SPECC1L: variants seen among roughly 807,000 people sequenced by gnomAD.
The protein encoded by SPECC1L is sperm antigen with calponin homology and coiled-coil domains 1 like.
A neutral mutation model predicts 116.8 loss-of-function variants in SPECC1L; 40 were observed. The observed-to-expected ratio is 0.34, with a 90% confidence interval of 0.27 to 0.45. The LOEUF is 0.45. SPECC1L is among the 20% of genes least tolerant of loss of function. The pLI is 1.00. For synonymous variants in SPECC1L, 504 were observed against 500.6 expected (o/e 1.01, Z -0.09); for missense variants, 1,110 against 1,373.6 (o/e 0.81, Z 3.03).
At chr22:24,411,492 G>A (rs2042696964) in intron 14 of SPECC1L, 96 bp from the exon 15 acceptor site, 1 of 1,126,870 alleles carries the variant, frequency 8.9e-7, no homozygotes, top group Non-Finnish European at 1.3e-6. Context: ...GTGTTTTGGA[G>A]GCCATGCAGC....
chr22:24,388,082 T>A (rs913758487), intron 14 of SPECC1L, among the ~76,000 whole-genome samples: 2 of 148,946 alleles, frequency 1.3e-5, no homozygotes, highest in African/African-American at 4.9e-5. Flanking sequence ...ATTCTTTTTT[T>A]ATTATTATTA....
chr22:24,324,385 G>T lies in SPECC1L; in HGVS notation c.2104G>T (p.Ala702Ser). ...ELEDEVEQHR[A>S]VKLHDNLIIS... ...TGAAGATGAAGTAGAACAACATCGT[G>T]CTGTGAAACTTCATGACAACCTCAT... Residue 702 changes from alanine to serine, a missense_variant, in exon 6 of 17, where the codon GCT becomes TCT. This residue lies in a region of SPECC1L where 575 missense variants were observed against 682.4 expected (regional missense o/e 0.84). Transcript: ENST00000314328. 6.2e-7 allele frequency: 1 copy of T among 1,614,150 alleles called. No homozygotes were observed. The highest frequency in any genetic ancestry group is 2.2e-5 in the East Asian group (1 of 44,874).
At chr22:24,412,890 T>C (rs1272711902) in intron 16 of SPECC1L, among the ~76,000 whole-genome samples, 183 bp downstream of exon 16, 1 of 148,356 alleles carries the variant, frequency 6.7e-6, no homozygotes, top group East Asian at 2.0e-4. Context: ...TGGGATCTTG[T>C]GTCCTGGCCC....
chr22:24,325,268 T>C (rs1601556455), intron 6 of SPECC1L, among the ~76,000 whole-genome samples: 1 of 152,194 alleles, frequency 6.6e-6, no homozygotes, highest in East Asian at 1.9e-4. Context: ...AAACTGCTGT[T>C]AGAGGTTCGA....
At chr22:24,287,215 A>G (rs1186784717) in intron 2 of SPECC1L, among the ~76,000 whole-genome samples, 4 of 152,202 alleles carry the variant, frequency 2.6e-5, no homozygotes, top group South Asian at 4.1e-4. Flanking sequence ...GTGTGTGACT[A>G]TGTGTGCACG....
chr22:24,340,829 T>G (rs2041163091), intron 10 of SPECC1L, among the ~76,000 whole-genome samples: 1 of 152,104 alleles, frequency 6.6e-6, no homozygotes, highest in South Asian at 2.1e-4. Context: ...GGCCTAAGCT[T>G]GGGATTGTTA....
rs555108645 is a variant in SPECC1L, at chr22:24,279,309, G to A, written c.-38+2506G>A. 2.6e-5 allele frequency among the ~76,000 whole-genome samples: 4 copies of A among 152,306 alleles called. No homozygotes were observed. The South Asian group carries it at 8.3e-4, about 32-fold the overall frequency. Reference sequence around the variant, plus strand: ...AGATATGCAACCTGGTTGCGCCTGTGCTGACCTCTACTCTGTTGGGCCTGG... The same window carrying A: ...AGATATGCAACCTGGTTGCGCCTGTACTGACCTCTACTCTGTTGGGCCTGG... On this transcript the variant is annotated intron_variant, in intron 2 of 16. Transcript: ENST00000314328.
intron 4 of SPECC1L, among the ~76,000 whole-genome samples, chr22:24,313,796 T>A (rs1187267255): frequency 6.7e-6 from 1 of 149,634 alleles, no homozygotes; most frequent in Admixed American, 6.7e-5. Flanking sequence ...TGAAGTGCAA[T>A]GGTGCCATCT....
rs536689673 is a variant in SPECC1L at position 24,287,410 on chromosome 22, C to T, written c.-38+10607C>T. 3.6e-4 allele frequency among the ~76,000 whole-genome samples: 55 copies of T among 152,218 alleles called. No individual in the cohort carries two copies. The South Asian group carries it at 3.7e-3, about 10-fold the overall frequency. ...AAGGATTGCTGGCAGGGGAGGGCGACAGGAGGCTGCCAGAGTTGTCCAGCT... is the reference window on the plus strand; with the variant it reads ...AAGGATTGCTGGCAGGGGAGGGCGATAGGAGGCTGCCAGAGTTGTCCAGCT... On this transcript the variant is annotated intron_variant, in intron 2 of 16. Transcript: ENST00000314328.
chr22:24,329,219 A>AT (rs1330550438), intron 7 of SPECC1L, among the ~76,000 whole-genome samples: 1 of 152,228 alleles, frequency 6.6e-6, no homozygotes, highest in Non-Finnish European at 1.5e-5. Context: ...TTATTGGAGC[A>AT]TTTTGGATTT....
At chr22:24,327,300 A>AAAAAC (rs1569422487) in intron 6 of SPECC1L, among the ~76,000 whole-genome samples, 1 of 150,550 alleles carries the variant, frequency 6.6e-6, no homozygotes, top group African/African-American at 2.5e-5. Flanking sequence ...AAAAAAAAAA[A>AAAAAC]AACATCAGAA....
intron 13 of SPECC1L, among the ~76,000 whole-genome samples, chr22:24,367,764 A>C (rs1419199853): frequency 1.3e-5 from 2 of 152,212 alleles, no homozygotes; most frequent in Non-Finnish European, 2.9e-5. Flanking sequence ...TTGGAGGGTC[A>C]ATACTAACAG....
At chr22:24,360,356 G>T (rs985567512) in intron 11 of SPECC1L, among the ~76,000 whole-genome samples, 9 of 152,190 alleles carry the variant, frequency 5.9e-5, no homozygotes, top group Admixed American at 5.2e-4. Context: ...GATTGTGGCT[G>T]TTAAAATTTA....
rs965607304 is a variant in SPECC1L, at chr22:24,299,972, A to G, written c.-37-2223A>G. ...CTGCTAGATAATTTATATAAATGGA[A>G]TCATATAATACATGGTCCTTTGTGG... On this transcript the variant is annotated intron_variant, in intron 2 of 16. Coordinates refer to ENST00000314328, the MANE Select transcript of SPECC1L (RefSeq NM_015330.6). Among the ~76,000 whole-genome samples the G allele has an allele frequency of 3.9e-5, 6 of 152,332 alleles. No homozygotes were observed. The East Asian group carries it at 7.7e-4, about 20-fold the overall frequency.
chr22:24,411,214 A>T (rs1313242251), intron 14 of SPECC1L, among the ~76,000 whole-genome samples: 2 of 125,418 alleles, frequency 1.6e-5, no homozygotes, highest in Non-Finnish European at 3.8e-5. Context: ...AAAAACAAAA[A>T]ACAAAAAAGG....
At chr22:24,319,009 C>T (rs1214121141) in intron 4 of SPECC1L, among the ~76,000 whole-genome samples, 1 of 152,004 alleles carries the variant, frequency 6.6e-6, no homozygotes, top group East Asian at 1.9e-4. Flanking sequence ...CCTTTGATAT[C>T]TGTCACAGAT....
intron 10 of SPECC1L, among the ~76,000 whole-genome samples, chr22:24,339,451 C>T (rs1302437542): frequency 6.6e-6 from 1 of 152,186 alleles, no homozygotes; most frequent in Non-Finnish European, 1.5e-5. Flanking sequence ...GTTGCTCCTC[C>T]GTGCCATTGT....
At chr22:24,298,392 T>G (rs532908445) in intron 2 of SPECC1L, among the ~76,000 whole-genome samples, 1 of 152,320 alleles carries the variant, frequency 6.6e-6, no homozygotes, top group East Asian at 1.9e-4. Flanking sequence ...TATCTGCATT[T>G]TTAGGCATCC....
At chr22:24,303,014 T>A (rs755235621) in intron 3 of SPECC1L, among the ~76,000 whole-genome samples, 14 of 151,948 alleles carry the variant, frequency 9.2e-5, no homozygotes, top group Non-Finnish European at 1.5e-4. Context: ...CATTTTTTTT[T>A]AAATAGATGA....
Sources: allele counts gnomAD v4.1 joint callset (sites outside exome capture counted in the v4.1 genomes callset), GRCh38; gene constraint gnomAD v4.1.1; regional missense constraint gnomAD v4.1.1; transcripts MANE v1.5; gene names NCBI Gene and HGNC (gene_info 2026-07-23, HGNC 2026-07-21).